The following TNS3 variants were observed in gnomAD, a reference collection of about 807,000 sequenced individuals.
The protein encoded by TNS3 is tensin-3.
Under a neutral mutation model 140.9 loss-of-function variants are expected in TNS3, and 45 were observed. The observed-to-expected ratio is 0.32, with a 90% confidence interval of 0.25 to 0.41. TNS3 has a LOEUF of 0.41. TNS3 is among the 10% of genes least tolerant of loss of function. The probability of loss-of-function intolerance (pLI) is 1.00; values close to 1 mark genes in which losing one functional copy is unlikely to be tolerated. For synonymous variants in TNS3, 815 were observed against 788.4 expected, an observed-to-expected ratio of 1.03 and a Z score of -0.56; for missense variants, 1,716 against 1,906.7, an observed-to-expected ratio of 0.90 and a Z score of 1.86.
At chr7:47,339,013 G>A (rs374186334) in intron 20 of TNS3, among the ~76,000 whole-genome samples, 4 of 151,878 alleles carry the variant, frequency 2.6e-5, no homozygotes, top group South Asian at 2.1e-4. Context: ...GTTGTTTTTC[G>A]ACTTTTTAAT....
chr7:47,519,816 C>CTTTTTTTT lies in TNS3; in HGVS notation c.-153+9212_-153+9219dup, dbSNP rs34418629. ...CTCTGGAACAGAGCTCCTCACATTT[C>CTTTTTTTT]TTTTTTTTTTTTTTTTTTTTTTTTT... On this transcript the variant is annotated intron_variant, in intron 2 of 30. Coordinates refer to ENST00000311160, the MANE Select transcript of TNS3 (RefSeq NM_022748.12). Among the ~76,000 whole-genome samples the CTTTTTTTT allele has an allele frequency of 2.5e-3, 188 of 74,812 alleles. 7 individuals carry two copies. Among genetic ancestry groups the CTTTTTTTT allele is most frequent in the East Asian group, 8.7e-3 (17 of 1,958 alleles). The allele number at this position is 74,812 out of a possible 152,430, so 49.1% of individuals were successfully genotyped here.
intron 4 of TNS3, among the ~76,000 whole-genome samples, chr7:47,455,176 A>G (rs1054381521): frequency 1.3e-4 from 20 of 152,140 alleles, no homozygotes; most frequent in African/African-American, 2.4e-5. Context: ...GGCCACAGAG[A>G]TAGGTCTCTG....
In TNS3 at chr7:47,275,480, G is replaced by A; in HGVS notation, c.*2596C>T. The A allele has an allele frequency of 3.6e-6, 1 of 280,522 alleles. No individual in the cohort carries two copies. Among genetic ancestry groups the A allele is most frequent in the East Asian group, 9.9e-5 (1 of 10,088 alleles). The allele number at this position is 280,522 out of a possible 1,614,324, so 17.4% of individuals were successfully genotyped here. On this transcript the variant is annotated 3_prime_UTR_variant, in exon 31 of 31. Transcript: ENST00000311160. Reference sequence around the variant, plus strand: ...GTGAACTCTCCGCATTTACTCCCCAGGGCAGTACGTGCCTGTCCAGCGGGA... The same window carrying A: ...GTGAACTCTCCGCATTTACTCCCCAAGGCAGTACGTGCCTGTCCAGCGGGA...
intron 4 of TNS3, among the ~76,000 whole-genome samples, chr7:47,463,971 A>G (rs1796596753): frequency 6.6e-6 from 1 of 152,068 alleles, no homozygotes. Flanking sequence ...CACTTAATAC[A>G]CCTGTTACTC....
At chr7:47,515,254 G>C (rs753055303) in intron 2 of TNS3, among the ~76,000 whole-genome samples, 3 of 152,180 alleles carry the variant, frequency 2.0e-5, no homozygotes, top group Non-Finnish European at 4.4e-5. Flanking sequence ...GTCCAAGAAT[G>C]AGCCAGAAAA....
intron 6 of TNS3, among the ~76,000 whole-genome samples, chr7:47,438,688 T>A (rs1795311894): frequency 6.6e-6 from 1 of 152,082 alleles, no homozygotes; most frequent in Admixed American, 6.5e-5. Context: ...GGAGGCCACA[T>A]CCTACTCTGC....
intron 16 of TNS3, among the ~76,000 whole-genome samples, chr7:47,373,631 T>C (rs2151178250): frequency 6.6e-6 from 1 of 152,362 alleles, no homozygotes; most frequent in Middle Eastern, 3.4e-3. Context: ...CACTGAGTTT[T>C]TGTCCACAGC....
chr7:47,304,399 G>A (rs1005857836), intron 21 of TNS3, among the ~76,000 whole-genome samples: 2 of 152,152 alleles, frequency 1.3e-5, no homozygotes, highest in Admixed American at 6.5e-5. Flanking sequence ...AAGTTAAATA[G>A]GGAGCTACGT....
intron 16 of TNS3, among the ~76,000 whole-genome samples, chr7:47,370,774 C>T (rs1229944632): frequency 6.6e-6 from 1 of 152,202 alleles, no homozygotes; most frequent in Non-Finnish European, 1.5e-5. Flanking sequence ...GAAGCCCACG[C>T]TGCGTGGGCA....
At chr7:47,539,335 C>T (rs985026626) in intron 1 of TNS3, 10 of 344,746 alleles carry the variant, frequency 2.9e-5, no homozygotes, top group Non-Finnish European at 5.2e-5. Flanking sequence ...CAGAAAACTC[C>T]CACACTTCGT....
intron 1 of TNS3, chr7:47,556,998 A>G (rs1800212139): frequency 2.2e-6 from 1 of 455,858 alleles, no homozygotes; most frequent in Non-Finnish European, 4.4e-6. Context: ...CACAGACGAT[A>G]ACCAGGAGCA....
chr7:47,443,414 A>T (rs948750192), intron 4 of TNS3, among the ~76,000 whole-genome samples: 1 of 152,176 alleles, frequency 6.6e-6, no homozygotes, highest in Non-Finnish European at 1.5e-5. Flanking sequence ...ATGCCCACAA[A>T]GCTGCAGGAG....
At chr7:47,338,372 T>C (rs752847769) in intron 20 of TNS3, among the ~76,000 whole-genome samples, 6 of 152,246 alleles carry the variant, frequency 3.9e-5, no homozygotes, top group Non-Finnish European at 5.9e-5. Context: ...TTGTCACTAT[T>C]TTTTATTTTA....
At chr7:47,484,582 T>C (rs1797543179) in intron 3 of TNS3, among the ~76,000 whole-genome samples, 1 of 152,194 alleles carries the variant, frequency 6.6e-6, no homozygotes, top group Non-Finnish European at 1.5e-5. Context: ...CTGCATTTGC[T>C]GGACAGTCAA....
intron 16 of TNS3, among the ~76,000 whole-genome samples, chr7:47,387,725 TC>T (rs1222503564): frequency 6.6e-6 from 1 of 152,034 alleles, no homozygotes; most frequent in Non-Finnish European, 1.5e-5. Flanking sequence ...CTAAAACGCC[TC>T]CCCAGACATT....
intron 16 of TNS3, among the ~76,000 whole-genome samples, chr7:47,381,091 G>C (rs1791730123): frequency 6.6e-6 from 1 of 152,222 alleles, no homozygotes; most frequent in Non-Finnish European, 1.5e-5. Context: ...GGTGGAGAAA[G>C]AAGCTCCTCC....
chr7:47,303,641 G>C, intron 21 of TNS3, 57 bp from the exon 22 acceptor site: 1 of 1,497,396 alleles, frequency 6.7e-7, no homozygotes, highest in Non-Finnish European at 8.9e-7. Flanking sequence ...GACACCTGAA[G>C]ACCAGCAAGC....
chr7:47,440,565 A>G (rs961201791), intron 5 of TNS3, among the ~76,000 whole-genome samples: 11 of 152,144 alleles, frequency 7.2e-5, no homozygotes, highest in African/African-American at 2.7e-4. Flanking sequence ...GGCAGTGTGG[A>G]GTCAGGCACC....
Position 47,435,413 on chromosome 7 carries a change from A to G in TNS3, c.202-9T>C, listed in dbSNP as rs779331642. 2 of 1,613,078 alleles carry G rather than the reference A, an allele frequency of 1.2e-6. No individual in the cohort carries two copies. Among genetic ancestry groups the G allele is most frequent in the South Asian group, 2.2e-5 (2 of 91,076 alleles). ...CAGCCCACATCCATGATCTGCAACA[A>G]GAAAGGGGAGCTTCCTCGGTTTCCA... On this transcript the variant is annotated splice_polypyrimidine_tract_variant and intron_variant, in intron 7 of 30. Coordinates refer to ENST00000311160, the MANE Select transcript of TNS3 (RefSeq NM_022748.12).
Sources: gnomAD v4.1 joint callset for allele counts (sites outside exome capture counted in the v4.1 genomes callset) on GRCh38, gnomAD v4.1.1 for gene constraint, MANE v1.5 for transcripts, NCBI Gene and HGNC (gene_info 2026-07-23, HGNC 2026-07-21) for gene names.